The following QTMAN variants were observed in gnomAD, a reference collection of about 807,000 sequenced individuals.
QTMAN encodes tRNA-queuosine alpha-mannosyltransferase.
the QTMAN span, among the ~76,000 whole-genome samples, chr2:144,010,821 A>G: frequency 1.3e-5 from 2 of 152,290 alleles, no homozygotes; most frequent in South Asian, 2.1e-4. Flanking sequence ...CTAAGGAAAA[A>G]GAATAATTAT....
At chr2:144,141,648 T>C in the QTMAN span, among the ~76,000 whole-genome samples, 6,679 of 142,292 alleles carry the variant, frequency 0.047, 483 homozygotes, top group African/African-American at 0.16. Context: ...GGCAAACAAA[T>C]AAATAAAAGA....
At chr2:144,309,827 T>A in the QTMAN span, among the ~76,000 whole-genome samples, 1 of 152,182 alleles carries the variant, frequency 6.6e-6, no homozygotes, top group South Asian at 2.1e-4. Flanking sequence ...TCCCCAAAGA[T>A]ACAATAAAAG....
the QTMAN span, among the ~76,000 whole-genome samples, chr2:144,308,012 T>C: frequency 3.3e-5 from 5 of 152,096 alleles, no homozygotes; most frequent in African/African-American, 4.8e-5. Flanking sequence ...AGACTTAGAA[T>C]AGTGAAAACA....
the QTMAN span, among the ~76,000 whole-genome samples, chr2:144,272,793 T>C: frequency 2.6e-5 from 4 of 152,168 alleles, no homozygotes; most frequent in Non-Finnish European, 4.4e-5. Flanking sequence ...TCTGGGGCAT[T>C]AAAAACTTGC....
At chr2:144,034,049 C>A in the QTMAN span, among the ~76,000 whole-genome samples, 1 of 152,134 alleles carries the variant, frequency 6.6e-6, no homozygotes, top group Admixed American at 6.5e-5. Context: ...GTCAAGGAGT[C>A]CCCTTGTTCT....
the QTMAN span, among the ~76,000 whole-genome samples, chr2:144,107,077 T>C: frequency 6.6e-6 from 1 of 152,160 alleles, no homozygotes; most frequent in African/African-American, 2.4e-5. Flanking sequence ...AGACACAACA[T>C]ACCAGAATCT....
At chr2:144,222,532 C>T in the QTMAN span, among the ~76,000 whole-genome samples, 5 of 151,528 alleles carry the variant, frequency 3.3e-5, no homozygotes, top group South Asian at 2.1e-4. Flanking sequence ...GGAGGCTGGG[C>T]GTGGTGGCTC....
At chr2:144,298,801 T>C in the QTMAN span, among the ~76,000 whole-genome samples, 1 of 152,094 alleles carries the variant, frequency 6.6e-6, no homozygotes, top group Non-Finnish European at 1.5e-5. Context: ...TATGGCAGAG[T>C]GTTTAACGCT....
the QTMAN span, among the ~76,000 whole-genome samples, chr2:144,119,737 C>T: frequency 1.3e-5 from 2 of 152,092 alleles, no homozygotes; most frequent in Non-Finnish European, 2.9e-5. Context: ...AAGAAAATCA[C>T]AAATATAAGG....
the QTMAN span, among the ~76,000 whole-genome samples, chr2:144,281,121 T>A: frequency 1.4e-5 from 2 of 140,188 alleles, no homozygotes; most frequent in African/African-American, 5.3e-5. Flanking sequence ...TGTGTTCTCA[T>A]TGTTCAATTC....
chr2:144,046,004 T>G, the QTMAN span, among the ~76,000 whole-genome samples: 1 of 152,192 alleles, frequency 6.6e-6, no homozygotes, highest in Non-Finnish European at 1.5e-5. Flanking sequence ...AACTATTAGA[T>G]TTAACAACTT....
At chr2:144,102,474 G>A in the QTMAN span, among the ~76,000 whole-genome samples, 2 of 152,150 alleles carry the variant, frequency 1.3e-5, no homozygotes, top group African/African-American at 2.4e-5. Context: ...GGACACTGAC[G>A]CCCACAGCAC....
At chr2:144,329,318 G>A in the QTMAN span, among the ~76,000 whole-genome samples, 1 of 151,268 alleles carries the variant, frequency 6.6e-6, no homozygotes, top group Non-Finnish European at 1.5e-5. Context: ...ATAAGTAAAA[G>A]AATACACAGT....
chr2:144,233,343 G>C, the QTMAN span, among the ~76,000 whole-genome samples: 1 of 152,124 alleles, frequency 6.6e-6, no homozygotes, highest in Admixed American at 6.6e-5. Context: ...ACTTCTATAA[G>C]GAACAAAGCC....
the QTMAN span, chr2:144,208,625 T>C: frequency 1.2e-6 from 2 of 1,613,636 alleles, no homozygotes; most frequent in South Asian, 1.1e-5. Flanking sequence ...CTGATGGGAA[T>C]GGTCTGAGAG....
chr2:144,152,061 T>C, the QTMAN span, among the ~76,000 whole-genome samples: 1 of 152,214 alleles, frequency 6.6e-6, no homozygotes. Flanking sequence ...AGGCTGTTTA[T>C]AAATAGAGTA....
the QTMAN span, among the ~76,000 whole-genome samples, chr2:144,297,223 G>C: frequency 6.6e-6 from 1 of 152,122 alleles, no homozygotes; most frequent in South Asian, 2.1e-4. Flanking sequence ...TCATTACTCT[G>C]TCAATTTTAC....
chr2:144,279,249 C>CAA, the QTMAN span, among the ~76,000 whole-genome samples: 2 of 151,962 alleles, frequency 1.3e-5, no homozygotes, highest in Non-Finnish European at 2.9e-5. Flanking sequence ...CTTCAGCAGT[C>CAA]CAGGCAGACA....
the QTMAN span, among the ~76,000 whole-genome samples, chr2:144,095,892 A>T: frequency 6.6e-6 from 1 of 152,270 alleles, no homozygotes; most frequent in Admixed American, 6.5e-5. Flanking sequence ...CCAACCAAAT[A>T]ACTTGTGTTA....
Sources: gnomAD v4.1 joint callset for allele counts (sites outside exome capture counted in the v4.1 genomes callset) on GRCh38, gnomAD v4.1.1 for gene constraint, MANE v1.5 for transcripts, NCBI Gene and HGNC (gene_info 2026-07-23, HGNC 2026-07-21) for gene names.